The following SLC7A6OS variants were observed in gnomAD, a reference collection of about 807,000 sequenced individuals.
The protein encoded by SLC7A6OS is probable RNA polymerase II nuclear localization protein SLC7A6OS.
SLC7A6OS carries 22 observed loss-of-function variants against 34.3 expected under a neutral mutation model. The ratio of observed to expected loss-of-function variants is 0.64; its 90% CI spans 0.46 to 0.92. SLC7A6OS has a LOEUF of 0.92. SLC7A6OS is among the 40% of genes least tolerant of loss of function. The probability of loss-of-function intolerance (pLI) is 0.00; values close to 1 mark genes in which losing one functional copy is unlikely to be tolerated. For missense variants in SLC7A6OS, 434 were observed against 407.7 expected (o/e 1.06, Z -0.56); for synonymous variants, 199 against 165.0 (o/e 1.21, Z -1.58).
intron 2 of SLC7A6OS, among the ~76,000 whole-genome samples, chr16:68,308,683 G>C (rs752387986): frequency 6.6e-6 from 1 of 152,192 alleles, no homozygotes; most frequent in African/African-American, 2.4e-5. Context: ...CTTGTTGCTT[G>C]TGGATTCATT....
rs375540268 is a variant in SLC7A6OS at position 68,310,330 on chromosome 16, C to T, written c.471+5G>A. The T allele has an allele frequency of 3.8e-6, 6 of 1,591,328 alleles. No homozygotes were observed. Among genetic ancestry groups the T allele is most frequent in the Non-Finnish European group, 5.1e-6 (6 of 1,165,146 alleles). On this transcript the variant is annotated splice_donor_5th_base_variant and intron_variant, in intron 2 of 4. Transcript: ENST00000263997. ...CCCAGCGACCACCTTCAGGGGCATACTCACTTTGCAGGAGCCTGCAGAGGC... is the reference window on the plus strand; with the variant it reads ...CCCAGCGACCACCTTCAGGGGCATATTCACTTTGCAGGAGCCTGCAGAGGC...
In SLC7A6OS at chr16:68,301,027, G is replaced by C. The variant is rs183806849; in HGVS notation, c.*248C>G. 8.5e-5 allele frequency: 97 copies of C among 1,145,436 alleles called. No homozygotes were observed. The African/African-American group carries it at 1.4e-3, about 16-fold the overall frequency. The allele number at this position is 1,145,436 out of a possible 1,614,324, so 71.0% of individuals were successfully genotyped here. On this transcript the variant is annotated 3_prime_UTR_variant, in exon 5 of 5. Transcript: ENST00000263997. Reference sequence around the variant, plus strand: ...CTAAAGAAACCTTCCTTTTTTCAACGTTTTTTTTTCTTTCAAACTGTAGGG... The same window carrying C: ...CTAAAGAAACCTTCCTTTTTTCAACCTTTTTTTTTCTTTCAAACTGTAGGG...
chr16:68,310,854 G>A lies in SLC7A6OS; in HGVS notation c.73C>T (p.Leu25Phe), dbSNP rs1156324926. 1.2e-6 allele frequency: 2 copies of A among 1,612,514 alleles called. No homozygotes were observed. The highest frequency in any genetic ancestry group is 1.1e-5 in the South Asian group (1 of 91,028). Residue 25 changes from leucine (L) to phenylalanine (F), a missense_variant, in exon 1 of 5, where the codon CTC becomes TTC. Physicochemically the swap from Leu to Phe is conservative, Grantham distance 22 (BLOSUM62 0). Transcript: ENST00000263997. ...TCGCTCCGGAGGCGTTTACAAGCGAGCACAAGAGCCTCCGCCGGCTCCGCA... is the reference window on the plus strand; with the variant it reads ...TCGCTCCGGAGGCGTTTACAAGCGAACACAAGAGCCTCCGCCGGCTCCGCA... ...RSAEPAEALV[L>F]ACKRLRSDAV...
At chr16:68,308,108 G>A (rs2043339415) in intron 2 of SLC7A6OS, among the ~76,000 whole-genome samples, 1 of 151,790 alleles carries the variant, frequency 6.6e-6, no homozygotes, top group Non-Finnish European at 1.5e-5. Context: ...TGCCATATTG[G>A]CCAGGCTGGT....
At position 68,300,160 on chromosome 16, in the gene SLC7A6OS, C is replaced by CTAAT. The variant is rs2043245063; in HGVS notation, c.*1111_*1114dup. 1 of 152,216 alleles carries CTAAT rather than the reference C, an allele frequency of 6.6e-6. No homozygotes were observed. Among genetic ancestry groups the CTAAT allele is most frequent in the Admixed American group, 6.5e-5 (1 of 15,278 alleles). 9.4% of individuals were successfully genotyped at this position (152,216 alleles called of 1,614,324 possible). On this transcript the variant is annotated 3_prime_UTR_variant, in exon 5 of 5. Transcript: ENST00000263997. ...TGCAACAGCTACTAGCCACGTGTAG[C>CTAAT]TAATTACATTAAAATGAAATAAAAT...
rs1393417316 is a variant in SLC7A6OS, at chr16:68,301,015, C to T, written c.*260G>A. ...AAGAAGCTAAAGCTAAAGAAACCTT[C>T]CTTTTTTCAACGTTTTTTTTTCTTT... On this transcript the variant is annotated 3_prime_UTR_variant, in exon 5 of 5. Transcript: ENST00000263997. The T allele has an allele frequency of 1.2e-5, 13 of 1,128,842 alleles. No homozygotes were observed. The highest frequency in any genetic ancestry group is 1.3e-5 in the Non-Finnish European group (12 of 923,516). 69.9% of individuals were successfully genotyped at this position (1,128,842 alleles called of 1,614,324 possible).
intron 2 of SLC7A6OS, among the ~76,000 whole-genome samples, chr16:68,310,083 G>C (rs937141594): frequency 5.9e-5 from 9 of 152,182 alleles, no homozygotes; most frequent in African/African-American, 2.2e-4. Flanking sequence ...ACACTGAATA[G>C]ACTTGTTTAC....
intron 2 of SLC7A6OS, 56 bp from the exon 3 acceptor site, chr16:68,304,288 A>G (rs2043310320): frequency 1.3e-6 from 2 of 1,509,852 alleles, no homozygotes; most frequent in East Asian, 2.3e-5. Context: ...TGATGTTCCA[A>G]GAGGAGGAAC....
chr16:68,299,401 T>G lies in SLC7A6OS; in HGVS notation c.*1874A>C, dbSNP rs920508980. 1.3e-5 allele frequency: 2 copies of G among 152,618 alleles called. No homozygotes were observed. Among genetic ancestry groups the G allele is most frequent in the African/African-American group, 2.4e-5 (1 of 41,416 alleles). 9.5% of individuals were successfully genotyped at this position (152,618 alleles called of 1,614,324 possible). A position where few individuals can be genotyped will look rare whatever the true frequency, so the allele number is the denominator to read the frequency against. ...GAGCCATGTCATCCTCCTTTCATTT[T>G]TGGATGGTGACAGCATTTTTCCCCT... is the stretch of plus-strand genomic sequence containing the variant. On this transcript the variant is annotated 3_prime_UTR_variant, in exon 5 of 5. Coordinates refer to ENST00000263997, the MANE Select transcript of SLC7A6OS (RefSeq NM_032178.3).
In SLC7A6OS at chr16:68,310,541, T is replaced by C; in HGVS notation, c.265A>G (p.Asn89Asp). ...ACCTCCCGAGCCGAGGCGCGGAGATTACGGCGGACACGCTGCTGGCTGTCC... is the reference window on the plus strand; with the variant it reads ...ACCTCCCGAGCCGAGGCGCGGAGATCACGGCGGACACGCTGCTGGCTGTCC... Reference protein sequence around the residue: ...SRDSQQRVRRNLRASAREVRQ... With the variant: ...SRDSQQRVRRDLRASAREVRQ... Residue 89 changes from asparagine to aspartate, a missense_variant, in exon 2 of 5, where the codon AAT becomes GAT. By Grantham distance (23) the Asn-to-Asp change is conservative (BLOSUM62 1). Transcript: ENST00000263997. 3.2e-6 allele frequency: 5 copies of C among 1,582,572 alleles called. No individual in the cohort carries two copies. Among genetic ancestry groups the C allele is most frequent in the Non-Finnish European group, 3.4e-6 (4 of 1,165,294 alleles).
rs188304848 is a variant in SLC7A6OS at position 68,304,056 on chromosome 16, G to A, written c.648C>T (p.Ser216=). Residue 216 remains serine, a synonymous_variant, in exon 3 of 5, where the codon TCC becomes TCT. Transcript: ENST00000263997. ...ATPGWIENIL[S]VQPYSQEWEL... ...CCCATTCTTGGCTGTAGGGCTGCACGGAGAGGATGTTCTCAATCCAGCCTG... is the reference window on the plus strand; with the variant it reads ...CCCATTCTTGGCTGTAGGGCTGCACAGAGAGGATGTTCTCAATCCAGCCTG... The A allele has an allele frequency of 1.2e-4, 186 of 1,613,804 alleles. No homozygotes were observed. In the East Asian group the frequency reaches 2.7e-3, roughly 23 times the overall value.
In SLC7A6OS at chr16:68,301,419, C is replaced by T; in HGVS notation, c.800-14G>A. ...AGTCAGCAGAGCCTAGAATGACATC[C>T]CGGGAGTGGATTCTAAATGTGATTT... On this transcript the variant is annotated splice_polypyrimidine_tract_variant and intron_variant, in intron 4 of 4. Transcript: ENST00000263997. 2 of 1,609,740 alleles carry T rather than the reference C, an allele frequency of 1.2e-6. No individual in the cohort carries two copies. The highest frequency in any genetic ancestry group is 1.7e-6 in the Non-Finnish European group (2 of 1,177,240).
chr16:68,310,615 T>A lies in SLC7A6OS; in HGVS notation c.193-2A>T. 6.3e-7 allele frequency: 1 copy of A among 1,595,280 alleles called. No individual in the cohort carries two copies. The highest frequency in any genetic ancestry group is 8.6e-7 in the Non-Finnish European group (1 of 1,169,244). Reference sequence around the variant, plus strand: ...CAGGAGAGGCTGGACTGGTTCCTCCTAGGGGGCAACAGGGGACGGAGGCCA... The same window carrying A: ...CAGGAGAGGCTGGACTGGTTCCTCCAAGGGGGCAACAGGGGACGGAGGCCA... On this transcript the variant is annotated splice_acceptor_variant, in intron 1 of 4. Coordinates refer to ENST00000263997, the MANE Select transcript of SLC7A6OS (RefSeq NM_032178.3). LOFTEE classifies it high-confidence loss of function.
intron 2 of SLC7A6OS, among the ~76,000 whole-genome samples, chr16:68,307,151 T>G (rs558934226): frequency 6.6e-6 from 1 of 152,362 alleles, no homozygotes; most frequent in African/African-American, 2.4e-5. Flanking sequence ...CCTCCATGTA[T>G]AGTGTTGCAA....
In SLC7A6OS at chr16:68,299,408, G is replaced by C. The variant is rs573615088; in HGVS notation, c.*1867C>G. 6.6e-6 allele frequency: 1 copy of C among 152,538 alleles called. No homozygotes were observed. Among genetic ancestry groups the C allele is most frequent in the Non-Finnish European group, 1.5e-5 (1 of 68,042 alleles). 9.4% of individuals were successfully genotyped at this position (152,538 alleles called of 1,614,324 possible). ...GTCATCCTCCTTTCATTTTTGGATG[G>C]TGACAGCATTTTTCCCCTCTGTGCT... is the stretch of plus-strand genomic sequence containing the variant. On this transcript the variant is annotated 3_prime_UTR_variant, in exon 5 of 5. Coordinates refer to ENST00000263997, the MANE Select transcript of SLC7A6OS (RefSeq NM_032178.3).
intron 2 of SLC7A6OS, among the ~76,000 whole-genome samples, chr16:68,304,536 G>A (rs2043312752): frequency 6.6e-6 from 1 of 152,100 alleles, no homozygotes; most frequent in Admixed American, 6.6e-5. Flanking sequence ...TAGCCAGGAT[G>A]GTTTTGATCT....
At chr16:68,308,062 C>T (rs905102283) in intron 2 of SLC7A6OS, among the ~76,000 whole-genome samples, 9 of 151,892 alleles carry the variant, frequency 5.9e-5, no homozygotes, top group South Asian at 2.1e-4. Context: ...CCACCACGCC[C>T]GGCTAATTTT....
chr16:68,302,696 C>T (rs542021625), intron 3 of SLC7A6OS, among the ~76,000 whole-genome samples, 195 bp from the exon 4 acceptor site: 5 of 152,300 alleles, frequency 3.3e-5, no homozygotes, highest in Non-Finnish European at 5.9e-5. Flanking sequence ...CAGAGCCCAG[C>T]TCCACAATGA....
chr16:68,304,423 C>T (rs1172474602), intron 2 of SLC7A6OS, among the ~76,000 whole-genome samples, 191 bp from the exon 3 acceptor site: 2 of 152,232 alleles, frequency 1.3e-5, no homozygotes, highest in Admixed American at 6.5e-5. Flanking sequence ...CAGGTTCAAG[C>T]GTTTCTCCTA....
Sources: gnomAD v4.1 joint callset for allele counts (sites outside exome capture counted in the v4.1 genomes callset) on GRCh38, gnomAD v4.1.1 for gene constraint, MANE v1.5 for transcripts, NCBI Gene and HGNC (gene_info 2026-07-23, HGNC 2026-07-21) for gene names.